The following ZC3H14 variants were observed in gnomAD, a reference collection of about 807,000 sequenced individuals.
ZC3H14 encodes the protein zinc finger CCCH domain-containing protein 14.
ZC3H14 carries 31 observed loss-of-function variants against 92.4 expected under a neutral mutation model. The observed-to-expected ratio is 0.34, with a 90% CI of 0.25 to 0.45. ZC3H14 has a LOEUF of 0.45. Ranked by LOEUF, ZC3H14 falls within the 20% of genes least tolerant of loss-of-function variation. ZC3H14 has a pLI of 1.00. For synonymous variants in ZC3H14, 321 were observed against 300.9 expected (o/e 1.07, Z -0.69); for missense variants, 781 against 897.3 (o/e 0.87, Z 1.66).
At position 88,573,027 on chromosome 14, in the gene ZC3H14, T is replaced by A. The variant is rs1336804188; in HGVS notation, c.861+20T>A. Reference sequence around the variant, plus strand: ...ATGGAGGTTTGTATGTACTTTTAAATTCTGGCTTAGGCTAAAAATCGGCAG... The same window carrying A: ...ATGGAGGTTTGTATGTACTTTTAAAATCTGGCTTAGGCTAAAAATCGGCAG... On this transcript the variant is annotated intron_variant, in intron 6 of 16. Coordinates refer to ENST00000251038, the MANE Select transcript of ZC3H14 (RefSeq NM_024824.5). 2.5e-6 allele frequency: 4 copies of A among 1,612,926 alleles called. No homozygotes were observed. Among genetic ancestry groups the A allele is most frequent in the Non-Finnish European group, 3.4e-6 (4 of 1,179,924 alleles).
intron 6 of ZC3H14, among the ~76,000 whole-genome samples, chr14:88,573,425 A>ATTTAT (rs1304507751): frequency 6.6e-6 from 1 of 151,950 alleles, no homozygotes; most frequent in Non-Finnish European, 1.5e-5. Flanking sequence ...CATATTCCAA[A>ATTTAT]TTTATTTTAT....
chr14:88,609,534 CTT>C, intron 14 of ZC3H14, 131 bp downstream of exon 14: 1 of 1,444,788 alleles, frequency 6.9e-7, no homozygotes, highest in Non-Finnish European at 9.6e-7. Flanking sequence ...TCCAACCAGT[CTT>C]TAAAGAGCAA....
At chr14:88,563,476 G>C in intron 1 of ZC3H14, 175 bp from the exon 2 acceptor site, 1 of 1,485,338 alleles carries the variant, frequency 6.7e-7, no homozygotes, top group Non-Finnish European at 8.9e-7. Flanking sequence ...CGGGGCTGGG[G>C]CTGGAGCTGG....
intron 5 of ZC3H14, 149 bp from the exon 6 acceptor site, chr14:88,572,427 GAA>G: frequency 8.9e-7 from 1 of 1,126,636 alleles, no homozygotes; most frequent in Non-Finnish European, 1.3e-6. Flanking sequence ...AAAGTTGAAA[GAA>G]AGTGCAATTT....
intron 9 of ZC3H14, among the ~76,000 whole-genome samples, chr14:88,588,240 G>A (rs1000290848): frequency 1.3e-5 from 2 of 152,014 alleles, no homozygotes; most frequent in Admixed American, 1.3e-4. Flanking sequence ...CCATCATCCC[G>A]AGGCGCCCTC....
chr14:88,563,358 T>G, intron 1 of ZC3H14, 189 bp downstream of exon 1: 2 of 1,454,190 alleles, frequency 1.4e-6, no homozygotes, highest in Non-Finnish European at 1.8e-6. Flanking sequence ...GGAGCGTGGC[T>G]GCGGCTGAAG....
intron 12 of ZC3H14, among the ~76,000 whole-genome samples, chr14:88,605,283 C>T (rs1256964847): frequency 6.6e-6 from 1 of 152,208 alleles, no homozygotes. Flanking sequence ...CCAGTCATCT[C>T]ACATTTTCTT....
Position 88,623,681 on chromosome 14 carries a change from G to C in ZC3H14, c.*11930G>C, listed in dbSNP as rs2089466195. 6.6e-6 allele frequency: 1 copy of C among 152,234 alleles called. No homozygotes were observed. Among genetic ancestry groups the C allele is most frequent in the African/African-American group, 2.4e-5 (1 of 41,418 alleles). The allele number at this position is 152,234 out of a possible 1,614,324, so 9.4% of individuals were successfully genotyped here. ...CCCACCTCGGCCTCCCAAAGTGTTG[G>C]GATTACAGGCGTGAGCCACTGCAAC... On this transcript the variant is annotated 3_prime_UTR_variant, in exon 17 of 17. Transcript: ENST00000251038.
intron 9 of ZC3H14, 78 bp downstream of exon 9, chr14:88,578,218 G>A: frequency 1.3e-6 from 2 of 1,532,244 alleles, no homozygotes; most frequent in Non-Finnish European, 9.0e-7. Flanking sequence ...GGATTTTTAT[G>A]AAATATTACA....
At chr14:88,597,508 A>T (rs916116672) in intron 10 of ZC3H14, among the ~76,000 whole-genome samples, 2 of 152,114 alleles carry the variant, frequency 1.3e-5, no homozygotes, top group East Asian at 3.9e-4. Flanking sequence ...CCTCTCAGTC[A>T]GGACTCCACA....
Position 88,621,446 on chromosome 14 carries a change from C to T in ZC3H14, c.*9695C>T. ...GTAGCAAGGCAGTCATTAGCTCATG[C>T]AAATTTTTCTATGACTACAGGCACA... On this transcript the variant is annotated 3_prime_UTR_variant, in exon 17 of 17. Transcript: ENST00000251038. The T allele has an allele frequency of 1.2e-6, 1 of 845,954 alleles. No homozygotes were observed. Among genetic ancestry groups the T allele is most frequent in the East Asian group, 2.5e-5 (1 of 40,528 alleles). The allele number at this position is 845,954 out of a possible 1,614,324, so 52.4% of individuals were successfully genotyped here. A position where few individuals can be genotyped will look rare whatever the true frequency, so the allele number is the denominator to read the frequency against.
intron 9 of ZC3H14, among the ~76,000 whole-genome samples, chr14:88,584,586 T>C (rs2082266725): frequency 6.6e-6 from 1 of 152,256 alleles, no homozygotes; most frequent in African/African-American, 2.4e-5. Context: ...TGTAATAATT[T>C]TGTAGTTACC....
Position 88,575,932 on chromosome 14 carries a change from A to G in ZC3H14, c.1115A>G (p.Tyr372Cys). Reference sequence around the variant, plus strand: ...GAATCCGTAACAAAAACAACTAACTACTCTACAGGTAATTTAAATGTATTA... The same window carrying G: ...GAATCCGTAACAAAAACAACTAACTGCTCTACAGGTAATTTAAATGTATTA... Reference protein sequence around the residue: ...AQESVTKTTNYSTVPQKQTLP... With the variant: ...AQESVTKTTNCSTVPQKQTLP... The change falls in exon 8 of 17, where the codon TAC (tyrosine) becomes TGC (cysteine). Residue 372 changes from tyrosine (Y) to cysteine (C), a missense_variant. Around this residue, in one of 3 missense-constraint regions of ZC3H14, gnomAD observed 454 missense variants for 438.5 expected, o/e 1.04. Transcript: ENST00000251038. 6.2e-7 allele frequency: 1 copy of G among 1,606,224 alleles called. No individual in the cohort carries two copies. Among genetic ancestry groups the G allele is most frequent in the East Asian group, 2.2e-5 (1 of 44,792 alleles).
Position 88,616,774 on chromosome 14 carries a change from A to G in ZC3H14, c.*5023A>G. 1.9e-6 allele frequency: 3 copies of G among 1,613,970 alleles called. No homozygotes were observed. The highest frequency in any genetic ancestry group is 2.5e-6 in the Non-Finnish European group (3 of 1,179,856). The stretch of plus-strand genomic sequence containing the variant: ...CAAATAACTTAACCATGCCAAAGTC[A>G]TCTCCTGTAACAAGACTGATTCCTG... On this transcript the variant is annotated 3_prime_UTR_variant, in exon 17 of 17. Transcript: ENST00000251038.
chr14:88,565,214 T>G (rs1413735023), intron 2 of ZC3H14, among the ~76,000 whole-genome samples: 1 of 152,200 alleles, frequency 6.6e-6, no homozygotes, highest in Non-Finnish European at 1.5e-5. Context: ...TGATCTTGGC[T>G]CACTGCAAGC....
At chr14:88,597,503 C>T (rs368247320) in intron 10 of ZC3H14, among the ~76,000 whole-genome samples, 1 of 152,196 alleles carries the variant, frequency 6.6e-6, no homozygotes, top group East Asian at 1.9e-4. Flanking sequence ...AGACCCCTCT[C>T]AGTCAGGACT....
In ZC3H14 at chr14:88,618,151, CTCTAACAGTTCAGAAATAGGATT is replaced by C. The variant is rs2088056979; in HGVS notation, c.*6402_*6424del. ...CAATTACTATTCCTTATTGGAATGG[CTCTAACAGTTCAGAAATAGGATT>C]TTCTAACTGGCCTTCAAAGTCAGTT... is the stretch of plus-strand genomic sequence containing the variant. On this transcript the variant is annotated 3_prime_UTR_variant, in exon 17 of 17. Transcript: ENST00000251038. 13 of 1,231,636 alleles carry C rather than the reference CTCTAACAGTTCAGAAATAGGATT, an allele frequency of 1.1e-5. No individual in the cohort carries two copies. The South Asian group carries it at 1.5e-4, about 14-fold the overall frequency. 76.3% of individuals were successfully genotyped at this position (1,231,636 alleles called of 1,614,324 possible).
Position 88,577,975 on chromosome 14 carries a change from T to A in ZC3H14, c.1124-10T>A. 1 of 1,614,116 alleles carries A rather than the reference T, an allele frequency of 6.2e-7. No homozygotes were observed. On this transcript the variant is annotated splice_polypyrimidine_tract_variant and intron_variant, in intron 8 of 16. Transcript: ENST00000251038. ...TTTGTATTTCTATCTTTTTTGCTTTTATGTGAAAGTTCCACAGAAACAGAC... is the reference window on the plus strand; with the variant it reads ...TTTGTATTTCTATCTTTTTTGCTTTAATGTGAAAGTTCCACAGAAACAGAC...
intron 9 of ZC3H14, among the ~76,000 whole-genome samples, chr14:88,584,073 A>G (rs879491377): frequency 1.5e-3 from 231 of 150,278 alleles, no homozygotes; most frequent in Non-Finnish European, 2.8e-3. Flanking sequence ...TGCAAAAAAG[A>G]TGTTTTTATC....
Sources: allele counts gnomAD v4.1 joint callset (sites outside exome capture counted in the v4.1 genomes callset), GRCh38; gene constraint gnomAD v4.1.1; regional missense constraint gnomAD v4.1.1; transcripts MANE v1.5; gene names NCBI Gene and HGNC (gene_info 2026-07-23, HGNC 2026-07-21).